Variants in AIMP2 observed in about 807,000 individuals in gnomAD.
The protein encoded by AIMP2 is aminoacyl tRNA synthase complex-interacting multifunctional protein 2.
In AIMP2, 20 loss-of-function variants were observed where a neutral mutation model predicts 23.4. The observed-to-expected ratio is 0.85, with a 90% CI of 0.60 to 1.24. The LOEUF (loss-of-function observed/expected upper bound fraction) is 1.24. Ranked by LOEUF, AIMP2 falls within the 50% of genes most tolerant of loss-of-function variation. The pLI is 0.00. For synonymous variants in AIMP2, 210 were observed against 170.4 expected (o/e 1.23, Z -1.81); for missense variants, 515 against 414.5 (o/e 1.24, Z -2.10).
chr7:6,015,299 G>A lies in AIMP2; in HGVS notation c.289G>A (p.Glu97Lys). ...LDVTNIIQAD[E>K]PTTLTTNALD... ...TGTAACCAACATAATCCAAGCGGATGAGCCCACGACTTTAACCACCAATGC... is the reference window on the plus strand; with the variant it reads ...TGTAACCAACATAATCCAAGCGGATAAGCCCACGACTTTAACCACCAATGC... The change falls in exon 2 of 4, where the codon GAG becomes AAG. Residue 97 changes from glutamate (E) to lysine (K), a missense_variant. Transcript: ENST00000223029. 6.2e-7 allele frequency: 1 copy of A among 1,614,220 alleles called. No individual in the cohort carries two copies. The highest frequency in any genetic ancestry group is 8.5e-7 in the Non-Finnish European group (1 of 1,180,042).
At chr7:6,009,643 CTTTTATG>C in intron 1 of AIMP2, 145 bp downstream of exon 1, 2 of 691,492 alleles carry the variant, frequency 2.9e-6, no homozygotes, top group Non-Finnish European at 4.1e-6. Context: ...CTCACTCAGA[CTTTTATG>C]TTTTAAAAGA....
rs1042045384 is a variant in AIMP2 at position 6,009,302 on chromosome 7, C to A, written c.-62C>A. On this transcript the variant is annotated 5_prime_UTR_variant, in exon 1 of 4. Coordinates refer to ENST00000223029, the MANE Select transcript of AIMP2 (RefSeq NM_006303.4). Reference sequence around the variant, plus strand: ...GGAGGTGGCCGGTCTCCGTCGTGACCTCTGACGGTTTCTGAGCGTTGGCCT... The same window carrying A: ...GGAGGTGGCCGGTCTCCGTCGTGACATCTGACGGTTTCTGAGCGTTGGCCT... The A allele has an allele frequency of 2.5e-6, 4 of 1,610,634 alleles. No individual in the cohort carries two copies. Among genetic ancestry groups the A allele is most frequent in the African/African-American group, 2.7e-5 (2 of 74,878 alleles).
Position 6,023,749 on chromosome 7 carries a change from A to G in AIMP2, c.*58A>G, listed in dbSNP as rs548198703. On this transcript the variant is annotated 3_prime_UTR_variant, in exon 4 of 4. Transcript: ENST00000223029. ...TTAAGAATGGTGCTCTTTCATGCCT[A>G]TTATCAGTAAGGGGACTTGTATTAG... 8.1e-6 allele frequency: 13 copies of G among 1,612,740 alleles called. No homozygotes were observed. Among genetic ancestry groups the G allele is most frequent in the East Asian group, 2.2e-5 (1 of 44,884 alleles).
intron 1 of AIMP2, among the ~76,000 whole-genome samples, chr7:6,009,974 A>ATATATACATATATAT (rs1554310935): frequency 0.02 from 534 of 26,678 alleles, 47 homozygotes; most frequent in Non-Finnish European, 0.032. Flanking sequence ...AAAAAAAAAA[A>ATATATACATATATAT]ATATATATAT....
chr7:6,016,051 TGA>T (rs1787013280), intron 2 of AIMP2, among the ~76,000 whole-genome samples: 2 of 152,194 alleles, frequency 1.3e-5, no homozygotes, highest in Non-Finnish European at 2.9e-5. Context: ...GGACTCTCTC[TGA>T]TCACAGGCCA....
At chr7:6,012,840 C>T (rs1231382581) in intron 1 of AIMP2, 1 of 1,011,818 alleles carries the variant, frequency 9.9e-7, no homozygotes, top group African/African-American at 1.7e-5. Flanking sequence ...GTATCAGCCA[C>T]TGTGCCTAGC....
At position 6,023,782 on chromosome 7, in the gene AIMP2, G is replaced by A; in HGVS notation, c.*91G>A. On this transcript the variant is annotated 3_prime_UTR_variant, in exon 4 of 4. Transcript: ENST00000223029. ...TAAGGGGACTTGTATTAGAGTCAGA[G>A]TCTTTTTATTTAGGCCAGTTGTCAA... 2.5e-6 allele frequency: 4 copies of A among 1,600,730 alleles called. No homozygotes were observed. The highest frequency in any genetic ancestry group is 3.4e-6 in the Non-Finnish European group (4 of 1,172,438).
At chr7:6,009,963 A>AT (rs1562717028) in intron 1 of AIMP2, among the ~76,000 whole-genome samples, 33 of 90,012 alleles carry the variant, frequency 3.7e-4, no homozygotes, top group African/African-American at 1.0e-3. Context: ...AAAAAAAAAA[A>AT]AAAAAAAAAA....
chr7:6,020,481 C>T (rs1023626929), intron 3 of AIMP2, among the ~76,000 whole-genome samples: 7 of 152,194 alleles, frequency 4.6e-5, no homozygotes, highest in Admixed American at 4.6e-4. Flanking sequence ...TTAGGCATAC[C>T]TATAGACTCT....
chr7:6,018,675 A>T (rs1787185992), intron 3 of AIMP2, among the ~76,000 whole-genome samples: 1 of 151,696 alleles, frequency 6.6e-6, no homozygotes, highest in South Asian at 2.1e-4. Flanking sequence ...CTCTACTAAA[A>T]ATACAAAACT....
Position 6,017,917 on chromosome 7 carries a change from T to C in AIMP2, c.446T>C (p.Leu149Pro). 6.2e-7 allele frequency: 1 copy of C among 1,614,152 alleles called. No homozygotes were observed. The highest frequency in any genetic ancestry group is 1.1e-5 in the South Asian group (1 of 91,086). Residue 149 changes from leucine (L) to proline (P), a missense_variant, in exon 3 of 4, where the codon CTG (leucine) becomes CCG (proline). Leu to Pro is a moderately conservative substitution (Grantham distance 98). Transcript: ENST00000223029. Reference protein sequence around the residue: ...HRLLCEHFRVLSTVHTHSSVK... With the variant: ...HRLLCEHFRVPSTVHTHSSVK... ...CTGCTCTGTGAGCACTTCAGGGTCC[T>C]GTCCACGGTGCACACGCACTCCTCG...
At chr7:6,021,897 T>A (rs1291529429) in intron 3 of AIMP2, among the ~76,000 whole-genome samples, 1 of 152,140 alleles carries the variant, frequency 6.6e-6, no homozygotes, top group African/African-American at 2.4e-5. Context: ...AGACAAATTA[T>A]GATGTATTTC....
chr7:6,023,697 C>A lies in AIMP2; in HGVS notation c.*6C>A. ...CCCTCAAGCTCCTTAAGTGAATTGC[C>A]GTAACTGATTTTAAAGGGTTTAGAT... On this transcript the variant is annotated 3_prime_UTR_variant, in exon 4 of 4. Coordinates refer to ENST00000223029, the MANE Select transcript of AIMP2 (RefSeq NM_006303.4). 6.2e-7 allele frequency: 1 copy of A among 1,613,928 alleles called. No individual in the cohort carries two copies. The highest frequency in any genetic ancestry group is 1.1e-5 in the South Asian group (1 of 91,038).
At chr7:6,009,974 A>AAAAAAAAAATATAT in intron 1 of AIMP2, among the ~76,000 whole-genome samples, 1 of 26,670 alleles carries the variant, frequency 3.7e-5, no homozygotes, top group African/African-American at 1.4e-4. Flanking sequence ...AAAAAAAAAA[A>AAAAAAAAAATATAT]ATATATATAT....
chr7:6,010,179 T>C (rs111861399), intron 1 of AIMP2, among the ~76,000 whole-genome samples: 17 of 151,340 alleles, frequency 1.1e-4, no homozygotes, highest in African/African-American at 4.1e-4. Flanking sequence ...TTTTCTTTTT[T>C]TAATATATGG....
At chr7:6,012,638 G>A (rs1258111279) in intron 1 of AIMP2, 2 of 319,272 alleles carry the variant, frequency 6.3e-6, no homozygotes, top group Non-Finnish European at 1.4e-5. Context: ...GCTCACTGCA[G>A]CCACTGTCTC....
Position 6,023,756 on chromosome 7 carries a change from G to A in AIMP2, c.*65G>A, listed in dbSNP as rs1181825007. 6.2e-7 allele frequency: 1 copy of A among 1,611,622 alleles called. No individual in the cohort carries two copies. The highest frequency in any genetic ancestry group is 1.3e-5 in the African/African-American group (1 of 74,916). On this transcript the variant is annotated 3_prime_UTR_variant, in exon 4 of 4. Coordinates refer to ENST00000223029, the MANE Select transcript of AIMP2 (RefSeq NM_006303.4). ...TGGTGCTCTTTCATGCCTATTATCAGTAAGGGGACTTGTATTAGAGTCAGA... is the reference window on the plus strand; with the variant it reads ...TGGTGCTCTTTCATGCCTATTATCAATAAGGGGACTTGTATTAGAGTCAGA...
chr7:6,021,857 ATTTT>A (rs929547145), intron 3 of AIMP2, among the ~76,000 whole-genome samples: 2 of 152,156 alleles, frequency 1.3e-5, no homozygotes, highest in South Asian at 4.1e-4. Flanking sequence ...GCACACAACT[ATTTT>A]TAGAGAAATC....
intron 1 of AIMP2, among the ~76,000 whole-genome samples, chr7:6,012,434 A>G (rs1442687891): frequency 6.6e-6 from 1 of 152,138 alleles, no homozygotes; most frequent in Non-Finnish European, 1.5e-5. Flanking sequence ...GAATGACATA[A>G]AACAGATCTT....
Sources: gnomAD v4.1 joint callset for allele counts (sites outside exome capture counted in the v4.1 genomes callset) on GRCh38, gnomAD v4.1.1 for gene constraint, MANE v1.5 for transcripts, NCBI Gene and HGNC (gene_info 2026-07-23, HGNC 2026-07-21) for gene names.